Variants in PCDH7 observed in about 807,000 individuals in gnomAD.
The protein encoded by PCDH7 is protocadherin-7.
Under a neutral mutation model 58.9 loss-of-function variants are expected in PCDH7, and 17 were observed. The ratio of observed to expected loss-of-function variants is 0.29; its 90% CI spans 0.20 to 0.43. The LOEUF (loss-of-function observed/expected upper bound fraction) is 0.43. Ranked by LOEUF, PCDH7 falls within the 20% of genes least tolerant of loss-of-function variation. The probability of loss-of-function intolerance (pLI) is 1.00; values close to 1 mark genes in which losing one functional copy is unlikely to be tolerated. For missense variants in PCDH7, 1,274 were observed against 1,441.0 expected (o/e 0.88, Z 1.88); for synonymous variants, 664 against 616.4 (o/e 1.08, Z -1.14).
intron 3 of PCDH7, among the ~76,000 whole-genome samples, chr4:31,094,994 G>T (rs977805794): frequency 2.6e-5 from 4 of 151,054 alleles, no homozygotes; most frequent in Non-Finnish European, 5.9e-5. Flanking sequence ...TAAAGGTGTA[G>T]CTATAAGGTG....
intron 1 of PCDH7, among the ~76,000 whole-genome samples, chr4:30,740,935 A>C (rs756277733): frequency 2.4e-4 from 37 of 152,260 alleles, no homozygotes; most frequent in Non-Finnish European, 4.9e-4. Context: ...GTACATAAGC[A>C]ATACCAAAGC....
intron 1 of PCDH7, among the ~76,000 whole-genome samples, chr4:30,891,382 G>T (rs537351078): frequency 1.3e-5 from 2 of 151,926 alleles, no homozygotes; most frequent in African/African-American, 4.8e-5. Context: ...TCAGTGTTTT[G>T]TTTTTTTATA....
Position 31,015,753 on chromosome 4 carries a change from C to T in PCDH7, c.*7+65538C>T, listed in dbSNP as rs188773706. ...ATCATAAAGTCTCTAAAGGTAGTGA[C>T]AATGTTTGTTTTCTTTGCACTTTCC... is the stretch of plus-strand genomic sequence containing the variant. On this transcript the variant is annotated intron_variant, in intron 3 of 3. Transcript: ENST00000509759. 3.5e-3 allele frequency among the ~76,000 whole-genome samples: 526 copies of T among 152,198 alleles called. 2 individuals carry two copies. Among genetic ancestry groups the T allele is most frequent in the Middle Eastern group, 6.8e-3 (2 of 294 alleles).
At chr4:30,775,940 C>T (rs1722004514) in intron 1 of PCDH7, among the ~76,000 whole-genome samples, 1 of 151,938 alleles carries the variant, frequency 6.6e-6, no homozygotes, top group Non-Finnish European at 1.5e-5. Context: ...TTCAGAAAGG[C>T]CAGAGGTCTA....
intron 3 of PCDH7, among the ~76,000 whole-genome samples, chr4:31,096,127 T>C (rs1157139350): frequency 6.6e-6 from 1 of 152,190 alleles, no homozygotes. Context: ...ATATCATATG[T>C]GCAAAAGATG....
intron 3 of PCDH7, among the ~76,000 whole-genome samples, chr4:31,091,497 T>G (rs1013039178): frequency 6.6e-6 from 1 of 151,874 alleles, no homozygotes; most frequent in Non-Finnish European, 1.5e-5. Flanking sequence ...TGTGGAAAAT[T>G]GAATTACTTA....
intron 1 of PCDH7, among the ~76,000 whole-genome samples, chr4:30,782,949 C>G (rs1396950242): frequency 6.6e-6 from 1 of 152,172 alleles, no homozygotes; most frequent in African/African-American, 2.4e-5. Flanking sequence ...GCTGTTTTCT[C>G]AAATGCCAAG....
intron 2 of PCDH7, among the ~76,000 whole-genome samples, chr4:30,939,311 T>G (rs1745748620): frequency 6.6e-6 from 1 of 152,152 alleles, no homozygotes; most frequent in Admixed American, 6.6e-5. Flanking sequence ...ATGCACTTTC[T>G]CTCAGCACTG....
At chr4:30,781,529 ATCTC>A (rs1722782303) in intron 1 of PCDH7, among the ~76,000 whole-genome samples, 1 of 148,276 alleles carries the variant, frequency 6.7e-6, no homozygotes, top group Non-Finnish European at 1.5e-5. Context: ...AATATTTTCT[ATCTC>A]TCTATTTTTT....
chr4:31,062,918 G>T (rs1393093997), intron 3 of PCDH7, among the ~76,000 whole-genome samples: 3 of 151,708 alleles, frequency 2.0e-5, no homozygotes, highest in African/African-American at 7.3e-5. Flanking sequence ...AAATTTTGAG[G>T]CTGTGTATAA....
intron 2 of PCDH7, among the ~76,000 whole-genome samples, chr4:30,932,026 C>G (rs1744668030): frequency 6.6e-6 from 1 of 152,006 alleles, no homozygotes; most frequent in African/African-American, 2.4e-5. Flanking sequence ...GAATATGTGA[C>G]TAACTACATT....
intron 3 of PCDH7, among the ~76,000 whole-genome samples, chr4:31,069,734 G>A (rs2109250792): frequency 6.6e-6 from 1 of 151,840 alleles, no homozygotes; most frequent in East Asian, 1.9e-4. Context: ...CTGTTCATGT[G>A]GCATATTTTT....
chr4:30,799,806 G>A (rs1184778305), intron 1 of PCDH7, among the ~76,000 whole-genome samples: 2 of 151,430 alleles, frequency 1.3e-5, no homozygotes, highest in African/African-American at 4.9e-5. Context: ...TGGAATTATT[G>A]CATATAATTC....
Position 30,724,999 on chromosome 4 carries a change from TAA to T in PCDH7, c.3174+405_3174+406del, listed in dbSNP as rs1384919890. The T allele has an allele frequency of 3.0e-6, 3 of 1,015,912 alleles. No homozygotes were observed. In the Admixed American group the frequency reaches 1.7e-4, roughly 57 times the overall value. The allele number at this position is 1,015,912 out of a possible 1,614,324, so 62.9% of individuals were successfully genotyped here. ...TAATTACATCCAGAGAAAAAGTTTCTAAAGTTACTACTGGTGTCTATGCAAAT... is the reference window on the plus strand; with the variant it reads ...TAATTACATCCAGAGAAAAAGTTTCTAGTTACTACTGGTGTCTATGCAAAT... On this transcript the variant is annotated intron_variant, in intron 1 of 1. Transcript: ENST00000361762.
intron 1 of PCDH7, among the ~76,000 whole-genome samples, chr4:30,773,624 G>A (rs985863963): frequency 2.6e-5 from 4 of 152,068 alleles, no homozygotes; most frequent in Admixed American, 2.6e-4. Flanking sequence ...AACTTCCACT[G>A]AAGAATCATG....
chr4:30,787,739 A>G (rs548418985), intron 1 of PCDH7, among the ~76,000 whole-genome samples: 2 of 152,140 alleles, frequency 1.3e-5, no homozygotes, highest in East Asian at 3.9e-4. Flanking sequence ...ATAAAGTCTA[A>G]TTTTTGTATG....
chr4:31,018,422 C>T (rs1009559474), intron 3 of PCDH7, among the ~76,000 whole-genome samples: 5 of 152,236 alleles, frequency 3.3e-5, no homozygotes, highest in African/African-American at 9.6e-5. Context: ...CTACCAGTAT[C>T]CTTAAACTTC....
chr4:31,044,888 A>G (rs1271475640), intron 3 of PCDH7, among the ~76,000 whole-genome samples: 3 of 152,080 alleles, frequency 2.0e-5, no homozygotes, highest in Non-Finnish European at 4.4e-5. Flanking sequence ...AAGTTGAAAC[A>G]CAAGTAACAT....
Position 30,722,397 on chromosome 4 carries a change from C to T in PCDH7, c.975C>T (p.Thr325=). The change falls in exon 1 of 2, where the codon ACC becomes ACT. Residue 325 remains threonine, a synonymous_variant. Coordinates refer to ENST00000361762, the Ensembl canonical transcript of PCDH7. The surrounding 1 kb of genome is among the most constrained non-coding windows in gnomAD (Gnocchi z 7.6). ...TGGCTGAGAACAGCGCCCCGGGGAC[C>T]CCCATCCTGCAACTGCGCGCAGCCG... 1 of 1,612,644 alleles carries T rather than the reference C, an allele frequency of 6.2e-7. No individual in the cohort carries two copies. Among genetic ancestry groups the T allele is most frequent in the Non-Finnish European group, 8.5e-7 (1 of 1,179,914 alleles).
Sources: gnomAD v4.1 joint callset for allele counts (sites outside exome capture counted in the v4.1 genomes callset) on GRCh38, gnomAD v4.1.1 for gene constraint, Gnocchi (gnomAD v3.1) non-coding constraint, MANE v1.5 for transcripts, NCBI Gene and HGNC (gene_info 2026-07-23, HGNC 2026-07-21) for gene names.